The following VDR variants were observed in gnomAD, a reference collection of about 807,000 sequenced individuals.
VDR encodes the protein vitamin D receptor.
A neutral mutation model predicts 39.7 loss-of-function variants in VDR; 19 were observed. The observed-to-expected ratio is 0.48, with a 90% confidence interval of 0.33 to 0.70. VDR has a LOEUF of 0.70. Ranked by LOEUF, VDR falls within the 30% of genes least tolerant of loss-of-function variation. VDR has a pLI of 0.02. For missense variants in VDR, 442 were observed against 570.5 expected, an observed-to-expected ratio of 0.77 and a Z score of 2.29; for synonymous variants, 242 against 215.8, an observed-to-expected ratio of 1.12 and a Z score of -1.07.
chr12:47,849,139 C>A (rs1945337291), intron 7 of VDR, among the ~76,000 whole-genome samples: 1 of 152,162 alleles, frequency 6.6e-6, no homozygotes, highest in South Asian at 2.1e-4. Flanking sequence ...TCCTGGATAT[C>A]CTGCAGATAG....
At chr12:47,859,327 A>G (rs918751282) in intron 4 of VDR, among the ~76,000 whole-genome samples, 1 of 152,136 alleles carries the variant, frequency 6.6e-6, no homozygotes, top group Non-Finnish European at 1.5e-5. Context: ...CTCGGCCCCT[A>G]CTGATGACCA....
At chr12:47,883,033 C>A (rs1449629470) in intron 1 of VDR, 1 of 435,074 alleles carries the variant, frequency 2.3e-6, no homozygotes, top group Non-Finnish European at 4.1e-6. Flanking sequence ...TGGCGGCAAC[C>A]AGCCCCAGGC....
rs952911272 is a variant in VDR at position 47,878,859 on chromosome 12, T to C, written c.146+109A>G. On this transcript the variant is annotated intron_variant, in intron 3 of 9. Coordinates refer to ENST00000549336, the MANE Select transcript of VDR (RefSeq NM_000376.3). Reference sequence around the variant, plus strand: ...GTGGCTGTGAGCGCCGCATGTTCCATGGACATTGTAAGGAAGGAGATGTGA... The same window carrying C: ...GTGGCTGTGAGCGCCGCATGTTCCACGGACATTGTAAGGAAGGAGATGTGA... The C allele has an allele frequency of 2.1e-5, 33 of 1,570,926 alleles. No homozygotes were observed. In the Middle Eastern group the frequency reaches 5.0e-4, roughly 24 times the overall value.
intron 1 of VDR, among the ~76,000 whole-genome samples, chr12:47,884,137 G>A (rs1048560666): frequency 5.3e-5 from 8 of 152,170 alleles, no homozygotes; most frequent in Non-Finnish European, 1.2e-4. Context: ...TGCTCAGGAA[G>A]GTGAGGTGGG....
intron 1 of VDR, among the ~76,000 whole-genome samples, chr12:47,897,829 A>G (rs1430179829): frequency 6.6e-6 from 1 of 152,186 alleles, no homozygotes; most frequent in African/African-American, 2.4e-5. Flanking sequence ...AGAGACTACT[A>G]AACTTCACCC....
In VDR at chr12:47,882,775, CTGAAA is replaced by C; in HGVS notation, c.-83-6_-83-2del. On this transcript the variant is annotated splice_acceptor_variant and splice_polypyrimidine_tract_variant and intron_variant, in intron 1 of 9. Coordinates refer to ENST00000549336, the MANE Select transcript of VDR (RefSeq NM_000376.3). LOFTEE classifies it low-confidence loss of function (5UTR_SPLICE). ...ACAGACACTTCAGACCCAAAGGCTT[CTGAAA>C]TGAAGAAGGGGAAACCTTTTATCTA... The C allele has an allele frequency of 6.5e-7, 1 of 1,535,120 alleles. No individual in the cohort carries two copies. The highest frequency in any genetic ancestry group is 8.7e-7 in the Non-Finnish European group (1 of 1,146,430).
intron 1 of VDR, among the ~76,000 whole-genome samples, chr12:47,884,292 A>C (rs1184221335): frequency 1.3e-5 from 2 of 152,206 alleles, no homozygotes; most frequent in African/African-American, 4.8e-5. Context: ...CAGGCCTGCT[A>C]AGCTCTGCAT....
rs181380129 is a variant in VDR at position 47,850,092 on chromosome 12, C to T, written c.756-3284G>A. Among the ~76,000 whole-genome samples, 460 of 152,300 alleles carry T rather than the reference C, an allele frequency of 3.0e-3. 1 individual carries two copies. The highest frequency in any genetic ancestry group is 5.0e-3 in the Non-Finnish European group (340 of 68,020). ...TCTTGAATCCTGACCTCAAGTGAGT[C>T]CTGCCCACCTTGGCCTCCCAAAGTT... On this transcript the variant is annotated intron_variant, in intron 7 of 9. Coordinates refer to ENST00000549336, the MANE Select transcript of VDR (RefSeq NM_000376.3).
intron 3 of VDR, among the ~76,000 whole-genome samples, chr12:47,876,974 C>A: frequency 6.6e-6 from 1 of 152,186 alleles, no homozygotes; most frequent in East Asian, 1.9e-4. Context: ...ACTCCATAAC[C>A]AAATGCTTTG....
At chr12:47,851,362 T>C (rs1236418198) in intron 7 of VDR, among the ~76,000 whole-genome samples, 1 of 151,864 alleles carries the variant, frequency 6.6e-6, no homozygotes, top group African/African-American at 2.4e-5. Flanking sequence ...GGAGGAGAGA[T>C]GGGAGGAGAG....
At chr12:47,893,420 G>A (rs4237855) in intron 1 of VDR, among the ~76,000 whole-genome samples, 96,050 of 151,712 alleles carry the variant, frequency 0.63, 30,869 homozygotes, top group African/African-American at 0.73. Flanking sequence ...GAGCTAGAAG[G>A]GAGAGGTAAA....
chr12:47,877,673 G>T (rs1946035320), intron 3 of VDR, among the ~76,000 whole-genome samples: 1 of 152,144 alleles, frequency 6.6e-6, no homozygotes, highest in African/African-American at 2.4e-5. Context: ...TGGCAGGAAA[G>T]GGTCCATGTG....
chr12:47,888,768 G>T (rs1435809191), intron 1 of VDR, among the ~76,000 whole-genome samples: 5 of 152,174 alleles, frequency 3.3e-5, no homozygotes, highest in Non-Finnish European at 5.9e-5. Context: ...GCAGGGAGGG[G>T]AAGATGGGGA....
At chr12:47,887,445 T>A (rs957815525) in intron 1 of VDR, among the ~76,000 whole-genome samples, 2 of 150,852 alleles carry the variant, frequency 1.3e-5, no homozygotes, top group African/African-American at 5.0e-5. Flanking sequence ...CTTCCATCAG[T>A]CAGAAAATTA....
intron 3 of VDR, among the ~76,000 whole-genome samples, chr12:47,876,556 A>T (rs544255184): frequency 2.0e-5 from 3 of 152,238 alleles, no homozygotes; most frequent in Non-Finnish European, 4.4e-5. Flanking sequence ...GTTGTGACCA[A>T]CAGCCAGCAA....
intron 1 of VDR, among the ~76,000 whole-genome samples, chr12:47,892,747 T>A (rs1403955929): frequency 6.6e-6 from 1 of 152,038 alleles, no homozygotes; most frequent in African/African-American, 2.4e-5. Flanking sequence ...AACAGGAACC[T>A]CCAATTCAGT....
chr12:47,894,051 A>C (rs908194669), intron 1 of VDR, among the ~76,000 whole-genome samples: 1 of 152,340 alleles, frequency 6.6e-6, no homozygotes. Context: ...TCACCAAGCT[A>C]TGATTCCCCT....
intron 2 of VDR, among the ~76,000 whole-genome samples, chr12:47,881,820 G>C (rs1290807902): frequency 3.3e-5 from 5 of 152,248 alleles, no homozygotes; most frequent in Middle Eastern, 3.4e-3. Flanking sequence ...TCAAGATGTG[G>C]CCAGCATCCC....
intron 3 of VDR, among the ~76,000 whole-genome samples, chr12:47,878,371 G>A (rs562879214): frequency 6.6e-6 from 1 of 152,174 alleles, no homozygotes; most frequent in South Asian, 2.1e-4. Context: ...CTCATGTAAG[G>A]GGAGTGTGTT....
Sources: gnomAD v4.1 joint callset for allele counts (sites outside exome capture counted in the v4.1 genomes callset) on GRCh38, gnomAD v4.1.1 for gene constraint, MANE v1.5 for transcripts, NCBI Gene and HGNC (gene_info 2026-07-23, HGNC 2026-07-21) for gene names.